RBFOX1: variants seen among roughly 807,000 people sequenced by gnomAD.
The protein encoded by RBFOX1 is RNA binding protein fox-1 homolog 1.
RBFOX1 carries 8 observed loss-of-function variants against 57.7 expected under a neutral mutation model. That is an observed-to-expected ratio of 0.14 (90% CI 0.08 to 0.25). The LOEUF (loss-of-function observed/expected upper bound fraction) is 0.25. RBFOX1 is among the 10% of genes least tolerant of loss of function. The pLI, the probability that RBFOX1 is intolerant of heterozygous loss-of-function variation, is 1.00. For missense variants in RBFOX1, 611 were observed against 548.5 expected (o/e 1.11, Z -1.14); for synonymous variants, 326 against 222.4 (o/e 1.47, Z -4.15).
At chr16:7,509,396 G>GTGTGTGTGTGTGTGTGTCTGTGTC (rs1161822444) in intron 4 of RBFOX1, among the ~76,000 whole-genome samples, 5 of 20,300 alleles carry the variant, frequency 2.5e-4, no homozygotes, top group African/African-American at 5.0e-4. Flanking sequence ...AGCCCTGTGT[G>GTGTGTGTGTGTGTGTGTCTGTGTC]TGTGTGTGTG....
At chr16:6,521,009 T>TTGACATAAATTTGATATAAA (rs1247238613) in intron 2 of RBFOX1, among the ~76,000 whole-genome samples, 1 of 152,098 alleles carries the variant, frequency 6.6e-6, no homozygotes, top group East Asian at 1.9e-4. Flanking sequence ...CGAAGGGTAA[T>TTGACATAAATTTGATATAAA]TTGTCAATTT....
intron 2 of RBFOX1, among the ~76,000 whole-genome samples, chr16:6,513,730 G>C (rs568056875): frequency 6.6e-6 from 1 of 151,614 alleles, no homozygotes; most frequent in African/African-American, 2.4e-5. Flanking sequence ...GTGAGACTTC[G>C]TCTCAAAAAC....
At chr16:5,377,251 A>C (rs925711377) in intron 1 of RBFOX1, among the ~76,000 whole-genome samples, 1 of 151,544 alleles carries the variant, frequency 6.6e-6, no homozygotes, top group Non-Finnish European at 1.5e-5. Flanking sequence ...GGAATGGGCT[A>C]CGAGGAGTAG....
intron 4 of RBFOX1, among the ~76,000 whole-genome samples, chr16:7,254,591 G>T (rs565504604): frequency 2.0e-5 from 3 of 151,706 alleles, no homozygotes; most frequent in African/African-American, 2.4e-5. Context: ...GACCTCCCAG[G>T]TATATAATCC....
intron 4 of RBFOX1, among the ~76,000 whole-genome samples, chr16:7,161,428 C>T (rs1047085436): frequency 1.3e-5 from 2 of 152,088 alleles, no homozygotes; most frequent in African/African-American, 2.4e-5. Context: ...AACATTTATA[C>T]CTAAGTGTGA....
chr16:6,380,478 G>C (rs1474622975), intron 2 of RBFOX1, among the ~76,000 whole-genome samples: 1 of 126,850 alleles, frequency 7.9e-6, no homozygotes, highest in Non-Finnish European at 1.6e-5. Flanking sequence ...TCTAGACACA[G>C]AGAAAATGGA....
chr16:6,221,541 C>G (rs1263958969), intron 1 of RBFOX1, among the ~76,000 whole-genome samples: 1 of 152,176 alleles, frequency 6.6e-6, no homozygotes, highest in Non-Finnish European at 1.5e-5. Context: ...GTCATCCAAA[C>G]ATTTCCTATC....
chr16:7,039,340 A>G (rs557985116), intron 3 of RBFOX1, among the ~76,000 whole-genome samples: 2 of 152,190 alleles, frequency 1.3e-5, no homozygotes, highest in South Asian at 4.1e-4. Context: ...TCAAAACCAG[A>G]CAAGATTTTT....
intron 3 of RBFOX1, among the ~76,000 whole-genome samples, chr16:6,815,657 C>T (rs911022703): frequency 6.6e-6 from 1 of 152,106 alleles, no homozygotes; most frequent in Non-Finnish European, 1.5e-5. Flanking sequence ...CTACTTACGC[C>T]TTACCAGGGC....
intron 3 of RBFOX1, among the ~76,000 whole-genome samples, chr16:5,793,831 C>G (rs1202252753): frequency 6.6e-6 from 1 of 152,144 alleles, no homozygotes; most frequent in African/African-American, 2.4e-5. Context: ...TGCAAGTGTT[C>G]ATTTGCACAT....
At chr16:5,679,742 C>T (rs2050272836) in intron 3 of RBFOX1, among the ~76,000 whole-genome samples, 1 of 152,182 alleles carries the variant, frequency 6.6e-6, no homozygotes. Context: ...GCAACACAGC[C>T]ATCCAGATTT....
intron 1 of RBFOX1, among the ~76,000 whole-genome samples, chr16:6,277,458 C>CAAAAAAAAAAAAAAAAAAAAA (rs59733415): frequency 2.5e-5 from 2 of 80,826 alleles, no homozygotes; most frequent in African/African-American, 9.7e-5. Context: ...GTCTGTCTCC[C>CAAAAAAAAAAAAAAAAAAAAA]AAAAAAAAAA....
At chr16:6,550,012 A>G (rs2096961633) in intron 2 of RBFOX1, among the ~76,000 whole-genome samples, 1 of 152,120 alleles carries the variant, frequency 6.6e-6, no homozygotes, top group Non-Finnish European at 1.5e-5. Context: ...AAGAGGGGTG[A>G]CAGTTTCAAA....
chr16:5,487,393 G>C (rs1287695426), intron 2 of RBFOX1, among the ~76,000 whole-genome samples: 1 of 152,176 alleles, frequency 6.6e-6, no homozygotes, highest in Non-Finnish European at 1.5e-5. Flanking sequence ...GGGAACCAAA[G>C]ATGATGTGAG....
At chr16:6,256,763 A>T (rs187034610) in intron 1 of RBFOX1, among the ~76,000 whole-genome samples, 1 of 152,158 alleles carries the variant, frequency 6.6e-6, no homozygotes, top group East Asian at 1.9e-4. Context: ...ACAACCAAAA[A>T]TGTCCCCAGA....
rs535166933 is a variant in RBFOX1, at chr16:7,077,038, C to T, written c.27+24940C>T. On this transcript the variant is annotated intron_variant, in intron 4 of 15. Transcript: ENST00000550418. ...TCCATCTGATTTCTTGGAACAGGGCCATTTAGTTAGTGGACGAGACCTCAG... is the reference window on the plus strand; with the variant it reads ...TCCATCTGATTTCTTGGAACAGGGCTATTTAGTTAGTGGACGAGACCTCAG... Among the ~76,000 whole-genome samples, 113 of 152,278 alleles carry T rather than the reference C, an allele frequency of 7.4e-4. 2 individuals are homozygous for T. The highest frequency in any genetic ancestry group is 2.6e-3 in the African/African-American group (110 of 41,550).
intron 4 of RBFOX1, among the ~76,000 whole-genome samples, chr16:7,070,835 C>A (rs1361290308): frequency 6.6e-6 from 1 of 152,168 alleles, no homozygotes; most frequent in Non-Finnish European, 1.5e-5. Context: ...TGGAACCTAA[C>A]TGCACAGACA....
chr16:5,459,924 C>G (rs572454764), intron 1 of RBFOX1, among the ~76,000 whole-genome samples: 10 of 152,122 alleles, frequency 6.6e-5, no homozygotes, highest in Admixed American at 2.0e-4. Context: ...CTCTCCGTGT[C>G]GCCACTCCGA....
chr16:7,025,838 C>G (rs2040749503), intron 3 of RBFOX1, among the ~76,000 whole-genome samples: 1 of 152,114 alleles, frequency 6.6e-6, no homozygotes, highest in Non-Finnish European at 1.5e-5. Flanking sequence ...GACAGCAACC[C>G]CAGGTCAGGG....
Sources: allele counts gnomAD v4.1 joint callset (sites outside exome capture counted in the v4.1 genomes callset), GRCh38; gene constraint gnomAD v4.1.1; transcripts MANE v1.5; gene names NCBI Gene and HGNC (gene_info 2026-07-23, HGNC 2026-07-21).